The following REC8 variants were observed in gnomAD, a reference collection of about 807,000 sequenced individuals.
REC8 encodes REC8 meiotic recombination protein.
Under a neutral mutation model 78.3 loss-of-function variants are expected in REC8, and 42 were observed. The ratio of observed to expected loss-of-function variants is 0.54; its 90% confidence interval spans 0.42 to 0.69. The LOEUF is 0.69. Ranked by LOEUF, REC8 falls within the 30% of genes least tolerant of loss-of-function variation. The probability of loss-of-function intolerance (pLI) is 0.00; values close to 1 mark genes in which losing one functional copy is unlikely to be tolerated. For missense variants in REC8, 581 were observed against 715.8 expected (o/e 0.81, Z 2.15); for synonymous variants, 268 against 274.1 (o/e 0.98, Z 0.22).
chr14:24,178,351 C>T, intron 12 of REC8, 129 bp downstream of exon 12: 1 of 900,902 alleles, frequency 1.1e-6, no homozygotes, highest in Admixed American at 2.5e-5. Flanking sequence ...AAAATCTCCT[C>T]CATTCTCCAG....
chr14:24,179,919 A>ATG lies in REC8; in HGVS notation c.1558+25_1558+26dup, dbSNP rs141999393. On this transcript the variant is annotated intron_variant, in intron 18 of 18. Transcript: ENST00000611366. Reference sequence around the variant, plus strand: ...TACCTGCTCCTGGGTGAGTGTATGCATGTGTGTGTGTGTATGTGGGGCAGG... The same window carrying ATG: ...TACCTGCTCCTGGGTGAGTGTATGCATGTGTGTGTGTGTGTATGTGGGGCAGG... 3.8e-5 allele frequency: 62 copies of ATG among 1,612,150 alleles called. No homozygotes were observed. Among genetic ancestry groups the ATG allele is most frequent in the South Asian group, 6.6e-5 (6 of 90,992 alleles).
intron 7 of REC8, 27 bp downstream of exon 7, chr14:24,176,928 AG>A (rs1358304524): frequency 6.3e-7 from 1 of 1,577,298 alleles, no homozygotes; most frequent in Admixed American, 1.7e-5. Flanking sequence ...ACAGGGCCTG[AG>A]GTCCAGCCCC....
rs747871841 is a variant in REC8 at position 24,173,199 on chromosome 14, G to A, written c.341+1G>A. 1.2e-6 allele frequency: 2 copies of A among 1,614,216 alleles called. No homozygotes were observed. The highest frequency in any genetic ancestry group is 1.1e-5 in the South Asian group (1 of 91,086). ...TCCGAATAGATATGGAGACTGAGCT[G>A]TGAGTGTGCCCTGGGCCTTTGATGG... On this transcript the variant is annotated splice_donor_variant, in intron 4 of 18. Transcript: ENST00000611366. LOFTEE classifies it high-confidence loss of function.
chr14:24,175,726 C>CT (rs386380908), intron 6 of REC8, 102 bp downstream of exon 6: 48,181 of 580,818 alleles, frequency 0.083, 11 homozygotes, highest in South Asian at 0.1. Flanking sequence ...GTGAGGGGCG[C>CT]TTTTTTTTTT....
At chr14:24,177,291 G>T in intron 8 of REC8, 62 bp from the exon 9 acceptor site, 4 of 1,613,588 alleles carry the variant, frequency 2.5e-6, no homozygotes, top group Non-Finnish European at 3.4e-6. Context: ...GGGCATTCTG[G>T]GACTGGGCAA....
chr14:24,177,900 G>A lies in REC8; in HGVS notation c.864+142G>A, dbSNP rs996823528. On this transcript the variant is annotated intron_variant, in intron 11 of 18. Transcript: ENST00000611366. Reference sequence around the variant, plus strand: ...AAGATGCCCCTTTCTACGCCCCATCGTATCTGGCCTACGCTTCCCAGATGG... The same window carrying A: ...AAGATGCCCCTTTCTACGCCCCATCATATCTGGCCTACGCTTCCCAGATGG... 1.3e-5 allele frequency: 19 copies of A among 1,477,094 alleles called. No individual in the cohort carries two copies. In the Admixed American group the frequency reaches 3.4e-4, roughly 26 times the overall value. The allele number at this position is 1,477,094 out of a possible 1,614,324, so 91.5% of individuals were successfully genotyped here.
At position 24,177,345 on chromosome 14, in the gene REC8, C is replaced by T; in HGVS notation, c.707-8C>T. 1 of 1,614,194 alleles carries T rather than the reference C, an allele frequency of 6.2e-7. No individual in the cohort carries two copies. The highest frequency in any genetic ancestry group is 8.5e-7 in the Non-Finnish European group (1 of 1,180,034). ...TCTGTCCTCTGAACTCTGATTCTCT[C>T]TCCACAGTCCCGCGGCTCCCACCTC... On this transcript the variant is annotated splice_region_variant and splice_polypyrimidine_tract_variant and intron_variant, in intron 8 of 18. Coordinates refer to ENST00000611366, the MANE Select transcript of REC8 (RefSeq NM_001048205.2).
At chr14:24,178,352 C>A in intron 12 of REC8, 130 bp downstream of exon 12, 1 of 896,974 alleles carries the variant, frequency 1.1e-6, no homozygotes, top group Non-Finnish European at 1.7e-6. Flanking sequence ...AAATCTCCTC[C>A]ATTCTCCAGA....
At position 24,172,245 on chromosome 14, in the gene REC8, G is replaced by A; in HGVS notation, c.-308G>A. ...ATTCCGGCCCGGACGTCCCCTTGGA[G>A]CTCTGCATCTCCAACCTGGAACCCA... is the stretch of plus-strand genomic sequence containing the variant. On this transcript the variant is annotated 5_prime_UTR_variant, in exon 1 of 19. Coordinates refer to ENST00000611366, the MANE Select transcript of REC8 (RefSeq NM_001048205.2). 2.3e-6 allele frequency: 1 copy of A among 435,102 alleles called. No homozygotes were observed. Among genetic ancestry groups the A allele is most frequent in the South Asian group, 3.2e-5 (1 of 31,226 alleles). The allele number at this position is 435,102 out of a possible 1,614,324, so 27.0% of individuals were successfully genotyped here. A position where few individuals can be genotyped will look rare whatever the true frequency, so the allele number is the denominator to read the frequency against.
At chr14:24,180,701 T>C (rs1458058122), downstream of REC8, 3 of 1,614,118 alleles carry the variant, frequency 1.9e-6, no homozygotes, top group South Asian at 1.1e-5. Context: ...GGTGGGATCT[T>C]GTTGTCAGCC....
At chr14:24,175,006 ATTTTT>A (rs10712510) in intron 5 of REC8, among the ~76,000 whole-genome samples, 13 of 134,876 alleles carry the variant, frequency 9.6e-5, no homozygotes, top group Admixed American at 8.3e-4. Context: ...GCTTGCACAA[ATTTTT>A]TTTTTTTTTT....
chr14:24,177,226 G>A lies in REC8; in HGVS notation c.706+4G>A. The A allele has an allele frequency of 6.2e-7, 1 of 1,614,056 alleles. No homozygotes were observed. Among genetic ancestry groups the A allele is most frequent in the Non-Finnish European group, 8.5e-7 (1 of 1,179,936 alleles). ...GAAGAAGCTATCTTGTTAGAAAGTA[G>A]GTGTCTCCGGCAGCGTAGGGCCCGC... On this transcript the variant is annotated splice_donor_region_variant and intron_variant, in intron 8 of 18. Coordinates refer to ENST00000611366, the MANE Select transcript of REC8 (RefSeq NM_001048205.2).
downstream of REC8, chr14:24,180,741 G>A (rs780436097): frequency 1.8e-5 from 29 of 1,613,814 alleles, no homozygotes; most frequent in East Asian, 1.1e-4. Context: ...GCAGAAGCTC[G>A]GGAGCCACAT....
downstream of REC8, chr14:24,180,422 G>T: frequency 6.2e-7 from 1 of 1,600,060 alleles, no homozygotes; most frequent in South Asian, 1.1e-5. Flanking sequence ...ATTCTCTCTG[G>T]ACTGGCTGCA....
chr14:24,172,762 G>A lies in REC8; in HGVS notation c.106G>A (p.Val36Met), dbSNP rs1356316627. 6 of 1,614,104 alleles carry A rather than the reference G, an allele frequency of 3.7e-6. No homozygotes were observed. Among genetic ancestry groups the A allele is most frequent in the African/African-American group, 1.3e-5 (1 of 74,934 alleles). ...SRLVKREYLR[V>M]NVVKTCEEIL... The stretch of plus-strand genomic sequence containing the variant: ...GTTGGTGAAGCGCGAATACCTGAGG[G>A]TGAATGTGGTGAAAACCTGGTAAGG... The change falls in exon 2 of 19, where the codon GTG becomes ATG. Residue 36 changes from valine (V) to methionine (M), a missense_variant. Coordinates refer to ENST00000611366, the MANE Select transcript of REC8 (RefSeq NM_001048205.2).
At chr14:24,175,736 T>A in intron 6 of REC8, 112 bp downstream of exon 6, 1 of 730,124 alleles carries the variant, frequency 1.4e-6, no homozygotes, top group Admixed American at 2.7e-5. Context: ...CTTTTTTTTT[T>A]TTTCGAGGCA....
Position 24,176,844 on chromosome 14 carries a change from G to A in REC8, c.567G>A (p.Leu189=). 1 of 1,613,548 alleles carries A rather than the reference G, an allele frequency of 6.2e-7. No homozygotes were observed. The highest frequency in any genetic ancestry group is 8.5e-7 in the Non-Finnish European group (1 of 1,179,776). ...REPERIPVTV[L]PPEAITILEA... is the part of the protein sequence containing the mutation. ...CAGAGAGGATTCCGGTCACTGTGCTGCCACCTGAGGCCATCACGATCCTGG... is the reference window on the plus strand; with the variant it reads ...CAGAGAGGATTCCGGTCACTGTGCTACCACCTGAGGCCATCACGATCCTGG... Residue 189 remains leucine (L), a synonymous_variant, in exon 7 of 19, where the codon CTG becomes CTA. Transcript: ENST00000611366.
At position 24,173,136 on chromosome 14, in the gene REC8, G is replaced by C; in HGVS notation, c.279G>C (p.Gln93His). ...QQCQYLVEDI[Q>H]HILERLHRAQ... ...CCTCCCTGCCCACAGAGGACATCCA[G>C]CACATCTTGGAGCGCCTCCACCGTG... is the stretch of plus-strand genomic sequence containing the variant. Residue 93 changes from glutamine (Q) to histidine (H), a missense_variant, in exon 4 of 19, where the codon CAG becomes CAC. Gln to His is a conservative substitution (Grantham distance 24, BLOSUM62 0). Coordinates refer to ENST00000611366, the MANE Select transcript of REC8 (RefSeq NM_001048205.2). 2 of 1,614,076 alleles carry C rather than the reference G, an allele frequency of 1.2e-6. No individual in the cohort carries two copies. Among genetic ancestry groups the C allele is most frequent in the Non-Finnish European group, 8.5e-7 (1 of 1,180,040 alleles).
chr14:24,172,540 G>A lies in REC8; in HGVS notation c.-13G>A. ...GGATCTGGTGGAATCGAGGGTGAAAGACCAGAGGGACAATGTTCTACTATC... is the reference window on the plus strand; with the variant it reads ...GGATCTGGTGGAATCGAGGGTGAAAAACCAGAGGGACAATGTTCTACTATC... On this transcript the variant is annotated 5_prime_UTR_variant, in exon 1 of 19. Transcript: ENST00000611366. The A allele has an allele frequency of 6.2e-7, 1 of 1,608,534 alleles. No homozygotes were observed. The highest frequency in any genetic ancestry group is 8.5e-7 in the Non-Finnish European group (1 of 1,175,956).
Sources: allele counts gnomAD v4.1 joint callset (sites outside exome capture counted in the v4.1 genomes callset), GRCh38; gene constraint gnomAD v4.1.1; transcripts MANE v1.5; gene names NCBI Gene and HGNC (gene_info 2026-07-23, HGNC 2026-07-21).